Variants in PPARGC1A observed in about 807,000 individuals in gnomAD.
The protein encoded by PPARGC1A is peroxisome proliferator-activated receptor gamma coactivator 1-alpha.
A neutral mutation model predicts 88.7 loss-of-function variants in PPARGC1A; 25 were observed. The observed-to-expected ratio is 0.28, with a 90% CI of 0.21 to 0.39. The LOEUF (loss-of-function observed/expected upper bound fraction) is 0.39. Among genes scored for constraint, PPARGC1A ranks in the 10% least tolerant of loss-of-function variants. The pLI, the probability that PPARGC1A is intolerant of heterozygous loss-of-function variation, is 1.00. For synonymous variants in PPARGC1A, 363 were observed against 355.6 expected (o/e 1.02, Z -0.24); for missense variants, 880 against 968.7 (o/e 0.91, Z 1.22).
At chr4:24,235,717 C>T in the PPARGC1A span, among the ~76,000 whole-genome samples, 19 of 152,282 alleles carry the variant, frequency 1.2e-4, no homozygotes, top group East Asian at 2.9e-3. Context: ...AGAGAAACTG[C>T]AGTCAATGTT....
chr4:24,401,443 T>C, the PPARGC1A span, among the ~76,000 whole-genome samples: 2 of 152,196 alleles, frequency 1.3e-5, no homozygotes, highest in Non-Finnish European at 2.9e-5. Context: ...CGTTTGCCCA[T>C]GAGTCCAAGG....
chr4:24,335,160 T>C, the PPARGC1A span, among the ~76,000 whole-genome samples: 24 of 152,302 alleles, frequency 1.6e-4, no homozygotes, highest in African/African-American at 5.1e-4. Context: ...ATTCTTGGCA[T>C]AAGGTAAGCA....
the PPARGC1A span, among the ~76,000 whole-genome samples, chr4:24,355,663 C>T: frequency 1.3e-5 from 2 of 152,008 alleles, no homozygotes; most frequent in African/African-American, 4.8e-5. Context: ...TTGAAATGAC[C>T]ATGTTAATGT....
intron 2 of PPARGC1A, among the ~76,000 whole-genome samples, chr4:23,856,760 T>C (rs907081102): frequency 3.3e-5 from 5 of 152,058 alleles, no homozygotes; most frequent in African/African-American, 9.7e-5. Context: ...AAGGTACACA[T>C]TGAATACATA....
At chr4:24,062,654 G>A in the PPARGC1A span, among the ~76,000 whole-genome samples, 4,401 of 152,232 alleles carry the variant, frequency 0.029, 99 homozygotes, top group Middle Eastern at 0.082. Flanking sequence ...ATGGTTCTTC[G>A]TCAGAGCTTT....
At position 23,814,010 on chromosome 4, in the gene PPARGC1A, A is replaced by G. The variant is rs1721452105; in HGVS notation, c.1473T>C (p.Asn491=). The G allele has an allele frequency of 1.9e-6, 3 of 1,614,094 alleles. No individual in the cohort carries two copies. Among genetic ancestry groups the G allele is most frequent in the African/African-American group, 1.3e-5 (1 of 75,048 alleles). The stretch of plus-strand genomic sequence containing the variant: ...ACATAGGTAGTTTGGAGAATTGTTC[A>G]TTACTGAAATCACTGTCCCTCAGTT... The part of the protein sequence containing the change: ...TGELRDSDFS[N]EQFSKLPMFI... The change falls in exon 8 of 13, where the codon AAT becomes AAC. Residue 491 remains asparagine, a synonymous_variant. Coordinates refer to ENST00000264867, the MANE Select transcript of PPARGC1A (RefSeq NM_013261.5).
chr4:24,177,103 A>T, the PPARGC1A span, among the ~76,000 whole-genome samples: 1 of 152,144 alleles, frequency 6.6e-6, no homozygotes, highest in Non-Finnish European at 1.5e-5. Context: ...TTGACCCAGC[A>T]ATCCCATTAC....
chr4:24,022,108 G>A, the PPARGC1A span, among the ~76,000 whole-genome samples: 4 of 152,164 alleles, frequency 2.6e-5, no homozygotes, highest in Admixed American at 6.5e-5. Context: ...GAGAATGAGA[G>A]GGCTGAGCTA....
the PPARGC1A span, among the ~76,000 whole-genome samples, chr4:24,018,908 A>C: frequency 6.6e-6 from 1 of 152,248 alleles, no homozygotes; most frequent in Non-Finnish European, 1.5e-5. Flanking sequence ...TAAGCAAAAA[A>C]AGTAATTAAA....
the PPARGC1A span, among the ~76,000 whole-genome samples, chr4:24,003,399 A>G: frequency 6.6e-6 from 1 of 152,230 alleles, no homozygotes; most frequent in African/African-American, 2.4e-5. Flanking sequence ...GATGTAGAAT[A>G]GATGAAATAA....
the PPARGC1A span, among the ~76,000 whole-genome samples, chr4:24,219,702 T>G: frequency 6.6e-6 from 1 of 152,172 alleles, no homozygotes; most frequent in African/African-American, 2.4e-5. Context: ...AATGTGAAGA[T>G]AGGGATGATG....
chr4:24,436,535 C>T, the PPARGC1A span, among the ~76,000 whole-genome samples: 1 of 150,046 alleles, frequency 6.7e-6, no homozygotes, highest in African/African-American at 2.5e-5. Context: ...CGATTGGCCA[C>T]CCCAGAGCCC....
At chr4:24,317,714 C>T in the PPARGC1A span, among the ~76,000 whole-genome samples, 2 of 151,670 alleles carry the variant, frequency 1.3e-5, no homozygotes, top group Non-Finnish European at 2.9e-5. Context: ...GCTGTGGCTG[C>T]TGTTCTCCAC....
the PPARGC1A span, among the ~76,000 whole-genome samples, chr4:23,972,462 T>G: frequency 6.6e-6 from 1 of 152,214 alleles, no homozygotes; most frequent in African/African-American, 2.4e-5. Flanking sequence ...GAAATTTTTA[T>G]TAAACTGACA....
At chr4:24,057,982 C>T in the PPARGC1A span, among the ~76,000 whole-genome samples, 2 of 152,110 alleles carry the variant, frequency 1.3e-5, no homozygotes. Context: ...GAGAGGGAAG[C>T]GAGTGATTGA....
chr4:23,817,786 C>T (rs998402624), intron 7 of PPARGC1A, among the ~76,000 whole-genome samples: 6 of 152,262 alleles, frequency 3.9e-5, no homozygotes, highest in African/African-American at 4.8e-5. Context: ...AGAAATCTCA[C>T]GGATGACAAG....
chr4:24,403,262 C>T, the PPARGC1A span, among the ~76,000 whole-genome samples: 5 of 152,168 alleles, frequency 3.3e-5, no homozygotes, highest in Admixed American at 6.5e-5. Context: ...GTTTTGTAAT[C>T]ACTGTACTTG....
chr4:24,016,745 C>T, the PPARGC1A span, among the ~76,000 whole-genome samples: 1 of 152,126 alleles, frequency 6.6e-6, no homozygotes, highest in South Asian at 2.1e-4. Context: ...TATTTTATGA[C>T]TCCTAAGGTT....
the PPARGC1A span, among the ~76,000 whole-genome samples, chr4:24,340,061 C>A: frequency 6.6e-6 from 1 of 151,964 alleles, no homozygotes; most frequent in African/African-American, 2.4e-5. Flanking sequence ...ATAGAAATTT[C>A]TTTTTATTTA....
Sources: allele counts gnomAD v4.1 joint callset (sites outside exome capture counted in the v4.1 genomes callset), GRCh38; gene constraint gnomAD v4.1.1; transcripts MANE v1.5; gene names NCBI Gene and HGNC (gene_info 2026-07-23, HGNC 2026-07-21).